The following SRSF12 variants were observed in gnomAD, a reference collection of about 807,000 sequenced individuals.
The protein encoded by SRSF12 is serine/arginine-rich splicing factor 12.
In SRSF12, 21 loss-of-function variants were observed where a neutral mutation model predicts 34.1. That is an observed-to-expected ratio of 0.62 (90% confidence interval 0.44 to 0.89). The LOEUF (loss-of-function observed/expected upper bound fraction) is 0.89. Among genes scored for constraint, SRSF12 ranks in the 40% least tolerant of loss-of-function variants. The pLI is 0.00. For missense variants in SRSF12, 278 were observed against 327.8 expected, an observed-to-expected ratio of 0.85 and a Z score of 1.17; for synonymous variants, 111 against 110.8, an observed-to-expected ratio of 1.00 and a Z score of -0.01.
intron 1 of SRSF12, among the ~76,000 whole-genome samples, chr6:89,112,043 T>C (rs1439303752): frequency 6.6e-6 from 1 of 152,218 alleles, no homozygotes; most frequent in African/African-American, 2.4e-5. Flanking sequence ...AGCCTCACTC[T>C]GTTGCCCAGG....
At chr6:89,098,975 A>G (rs142638832) in intron 4 of SRSF12, 28 bp from the exon 5 acceptor site, 77 of 1,575,762 alleles carry the variant, frequency 4.9e-5, no homozygotes, top group African/African-American at 2.3e-4. Flanking sequence ...GTTAGAGCAT[A>G]TATTTCACAC....
intron 4 of SRSF12, among the ~76,000 whole-genome samples, chr6:89,100,151 C>A (rs1358935947): frequency 6.6e-6 from 1 of 152,158 alleles, no homozygotes; most frequent in East Asian, 1.9e-4. Context: ...AAATCACTGG[C>A]CATCTTCTAA....
rs1768299354 is a variant in SRSF12 at position 89,096,869 on chromosome 6, A to G, written c.*1709T>C. On this transcript the variant is annotated 3_prime_UTR_variant, in exon 5 of 5. Coordinates refer to ENST00000452027, the MANE Select transcript of SRSF12 (RefSeq NM_080743.5). The stretch of plus-strand genomic sequence containing the variant: ...CTGAAAATACTAAAAATTTCTATCA[A>G]TATCTGTCTTACTCATTCTTCAGAT... 1 of 152,210 alleles carries G rather than the reference A, an allele frequency of 6.6e-6. No individual in the cohort carries two copies. Among genetic ancestry groups the G allele is most frequent in the Non-Finnish European group, 1.5e-5 (1 of 68,036 alleles). 9.4% of individuals were successfully genotyped at this position (152,210 alleles called of 1,614,324 possible).
At chr6:89,116,774 TA>T (rs11361684) in intron 1 of SRSF12, among the ~76,000 whole-genome samples, 63,814 of 135,006 alleles carry the variant, frequency 0.47, 15,250 homozygotes, top group Non-Finnish European at 0.58. Context: ...AGACTTTGTC[TA>T]AAAAAAAAAA....
At chr6:89,100,014 C>T (rs1019387006) in intron 4 of SRSF12, among the ~76,000 whole-genome samples, 1 of 152,148 alleles carries the variant, frequency 6.6e-6, no homozygotes, top group African/African-American at 2.4e-5. Flanking sequence ...GGCTATTTGA[C>T]TAAGCTGAAG....
intron 2 of SRSF12, chr6:89,106,862 C>A: frequency 2.4e-6 from 1 of 417,280 alleles, no homozygotes. Context: ...AAAGACTTCC[C>A]CTCTTCCAGG....
intron 4 of SRSF12, among the ~76,000 whole-genome samples, chr6:89,102,458 T>A (rs1315281337): frequency 6.6e-6 from 1 of 152,096 alleles, no homozygotes; most frequent in South Asian, 2.1e-4. Context: ...TATATATTTA[T>A]ACTGAAAATA....
At position 89,109,011 on chromosome 6, in the gene SRSF12, T is replaced by A. The variant is rs954309588; in HGVS notation, c.66-1753A>T. Among the ~76,000 whole-genome samples, 3 of 152,324 alleles carry A rather than the reference T, an allele frequency of 2.0e-5. No individual in the cohort carries two copies. In the South Asian group the frequency reaches 6.2e-4, roughly 32 times the overall value. On this transcript the variant is annotated intron_variant, in intron 1 of 4. Coordinates refer to ENST00000452027, the MANE Select transcript of SRSF12 (RefSeq NM_080743.5). ...AGTGACAATGTCTTTTTTCTTTTAC[T>A]TATTCAGAATTAAGCAAATACTTAT...
intron 4 of SRSF12, among the ~76,000 whole-genome samples, chr6:89,099,490 A>G (rs142605534): frequency 0.27 from 35,388 of 131,432 alleles, 4,906 homozygotes; most frequent in South Asian, 0.31. Context: ...ATGTGTGTGT[A>G]TATATATATG....
At chr6:89,115,783 C>T (rs1582280655) in intron 1 of SRSF12, among the ~76,000 whole-genome samples, 1 of 144,592 alleles carries the variant, frequency 6.9e-6, no homozygotes, top group African/African-American at 2.6e-5. Flanking sequence ...ACTACAGGCA[C>T]CCGCCACCAC....
In SRSF12 at chr6:89,107,222, G is replaced by A; in HGVS notation, c.102C>T (p.Gly34=). The A allele has an allele frequency of 6.2e-7, 1 of 1,614,034 alleles. No individual in the cohort carries two copies. The highest frequency in any genetic ancestry group is 8.5e-7 in the Non-Finnish European group (1 of 1,180,018). The change falls in exon 2 of 5, where the codon GGC becomes GGT. Residue 34 remains glycine, a synonymous_variant. Transcript: ENST00000452027. Reference sequence around the variant, plus strand: ...GTGGAATGTAAACGTCTACTATAGGGCCATATCGACCAAACTCACGGCGCA... The same window carrying A: ...GTGGAATGTAAACGTCTACTATAGGACCATATCGACCAAACTCACGGCGCA... The part of the protein sequence containing the change: ...EDLRREFGRY[G]PIVDVYIPLD...
In SRSF12 at chr6:89,117,992, A is replaced by AC; in HGVS notation, c.-106dup. 1 of 1,247,894 alleles carries AC rather than the reference A, an allele frequency of 8.0e-7. No individual in the cohort carries two copies. The highest frequency in any genetic ancestry group is 2.5e-4 in the Middle Eastern group (1 of 4,068). 77.3% of individuals were successfully genotyped at this position (1,247,894 alleles called of 1,614,324 possible). ...AGGAGCTCCGCCGGCCCCCGGCGCG[A>AC]CCCCCACCCCTCGGCCTCAGCCCCG... On this transcript the variant is annotated 5_prime_UTR_variant, in exon 1 of 5. Coordinates refer to ENST00000452027, the MANE Select transcript of SRSF12 (RefSeq NM_080743.5).
chr6:89,096,669 A>G lies in SRSF12; in HGVS notation c.*1909T>C, dbSNP rs961674863. ...TTTTTCACAATGGTACCTAGTTATT[A>G]TTATTTTTATAGATAAAGGGGTCTT... On this transcript the variant is annotated 3_prime_UTR_variant, in exon 5 of 5. Transcript: ENST00000452027. 85 of 152,280 alleles carry G rather than the reference A, an allele frequency of 5.6e-4. No individual in the cohort carries two copies. The highest frequency in any genetic ancestry group is 1.9e-3 in the African/African-American group (81 of 41,546). The allele number at this position is 152,280 out of a possible 1,614,324, so 9.4% of individuals were successfully genotyped here.
In SRSF12 at chr6:89,098,565, T is replaced by C; in HGVS notation, c.*13A>G. ...TTATATTAAAGACGGCGTGGTGCTC[T>C]TTCTGTTGCTGTTCACCAACTGTTT... On this transcript the variant is annotated 3_prime_UTR_variant, in exon 5 of 5. Transcript: ENST00000452027. 1 of 1,595,318 alleles carries C rather than the reference T, an allele frequency of 6.3e-7. No homozygotes were observed. The highest frequency in any genetic ancestry group is 8.6e-7 in the Non-Finnish European group (1 of 1,168,690).
At chr6:89,116,770 TGTCTAAAAA>T (rs1321776430) in intron 1 of SRSF12, among the ~76,000 whole-genome samples, 6 of 121,926 alleles carry the variant, frequency 4.9e-5, no homozygotes, top group Non-Finnish European at 1.1e-4. Context: ...AGCGAGACTT[TGTCTAAAAA>T]AAAAAAAAAA....
chr6:89,099,539 T>G (rs1456281137), intron 4 of SRSF12, among the ~76,000 whole-genome samples: 14 of 26,090 alleles, frequency 5.4e-4, no homozygotes, highest in African/African-American at 8.9e-4. Context: ...CACATACATG[T>G]TTTTTTTTTT....
chr6:89,103,755 T>C (rs1768648134), intron 4 of SRSF12, among the ~76,000 whole-genome samples: 1 of 152,140 alleles, frequency 6.6e-6, no homozygotes, highest in African/African-American at 2.4e-5. Context: ...CCACTGCACC[T>C]GGTCCATATA....
At position 89,105,419 on chromosome 6, in the gene SRSF12, A is replaced by C; in HGVS notation, c.274+8T>G. The C allele has an allele frequency of 1.3e-6, 2 of 1,592,338 alleles. No homozygotes were observed. Among genetic ancestry groups the C allele is most frequent in the Non-Finnish European group, 8.5e-7 (1 of 1,172,328 alleles). The stretch of plus-strand genomic sequence containing the variant: ...AATAAATAAAATCTAGCATTCAGTC[A>C]CACTTACTTTTGCGATCACCTTGTG... On this transcript the variant is annotated splice_region_variant and intron_variant, in intron 3 of 4. Coordinates refer to ENST00000452027, the MANE Select transcript of SRSF12 (RefSeq NM_080743.5).
rs376416870 is a variant in SRSF12, at chr6:89,109,148, AC to A, written c.66-1891del. Among the ~76,000 whole-genome samples the A allele has an allele frequency of 1.9e-3, 286 of 152,256 alleles. 3 individuals are homozygous for A. Among genetic ancestry groups the A allele is most frequent in the African/African-American group, 6.2e-3 (258 of 41,546 alleles). On this transcript the variant is annotated intron_variant, in intron 1 of 4. Transcript: ENST00000452027. ...TAAAGATTCTCAACCTCTCCTGAGT[AC>A]TGTAATCATCTGTGAAGGGATGTTA...
Sources: gnomAD v4.1 joint callset for allele counts (sites outside exome capture counted in the v4.1 genomes callset) on GRCh38, gnomAD v4.1.1 for gene constraint, MANE v1.5 for transcripts, NCBI Gene and HGNC (gene_info 2026-07-23, HGNC 2026-07-21) for gene names.